The following LRRC8C variants were observed in gnomAD, a reference collection of about 807,000 sequenced individuals.
LRRC8C encodes leucine rich repeat containing 8 VRAC subunit C.
Under a neutral mutation model 55.3 loss-of-function variants are expected in LRRC8C, and 20 were observed. The ratio of observed to expected loss-of-function variants is 0.36; its 90% confidence interval spans 0.25 to 0.53. The LOEUF is 0.53. LRRC8C is among the 20% of genes least tolerant of loss of function. LRRC8C has a pLI of 0.92. For synonymous variants in LRRC8C, 376 were observed against 360.7 expected, an observed-to-expected ratio of 1.04 and a Z score of -0.48; for missense variants, 659 against 951.4, an observed-to-expected ratio of 0.69 and a Z score of 4.04.
intron 1 of LRRC8C, among the ~76,000 whole-genome samples, chr1:89,650,237 A>G (rs900659828): frequency 2.0e-5 from 3 of 152,230 alleles, no homozygotes; most frequent in Non-Finnish European, 4.4e-5. Flanking sequence ...ATAATTTTCA[A>G]AAAGTTAAAC....
chr1:89,636,083 G>A (rs1656273658), intron 1 of LRRC8C, among the ~76,000 whole-genome samples: 1 of 152,186 alleles, frequency 6.6e-6, no homozygotes, highest in Non-Finnish European at 1.5e-5. Context: ...CGTGCAGTAG[G>A]AGTGCAAATG....
At chr1:89,707,172 C>T (rs558887470) in intron 2 of LRRC8C, among the ~76,000 whole-genome samples, 9 of 16,304 alleles carry the variant, frequency 5.5e-4, no homozygotes, top group Admixed American at 4.2e-3. Context: ...TTTGGGAGGC[C>T]GAGGCGGGTG....
chr1:89,680,466 G>GT (rs200444324), intron 1 of LRRC8C, among the ~76,000 whole-genome samples: 1,522 of 137,392 alleles, frequency 0.011, 9 homozygotes, highest in African/African-American at 0.019. Flanking sequence ...TTTTGTAATA[G>GT]TTTTTTTTTT....
chr1:89,684,367 A>G (rs1462594626), intron 1 of LRRC8C, among the ~76,000 whole-genome samples: 1 of 152,240 alleles, frequency 6.6e-6, no homozygotes, highest in East Asian at 1.9e-4. Flanking sequence ...TTGTTTGCTA[A>G]TTATCCCTGC....
At chr1:89,630,129 A>C (rs1656068712), upstream of LRRC8C, among the ~76,000 whole-genome samples, 1 of 152,226 alleles carries the variant, frequency 6.6e-6, no homozygotes. Context: ...GAGATCACAC[A>C]GCATGAGACT....
intron 2 of LRRC8C, among the ~76,000 whole-genome samples, chr1:89,688,387 A>G (rs1485209639): frequency 1.3e-5 from 2 of 152,218 alleles, no homozygotes; most frequent in Non-Finnish European, 2.9e-5. Context: ...AAAATAAGCA[A>G]AATAAGCAAA....
Position 89,659,061 on chromosome 1 carries a change from T to TTTG in LRRC8C, c.-5+25740_-5+25741insTGT, listed in dbSNP as rs1294718324. ...TGTCTTCTCCAGGTTTTTTTTTTTT[T>TTTG]TGTGTGTGTGTGTGTGTGTGTGTGT... On this transcript the variant is annotated intron_variant, in intron 1 of 2. Transcript: ENST00000370454. Among the ~76,000 whole-genome samples the TTTG allele has an allele frequency of 9.6e-4, 52 of 53,964 alleles. 1 individual carries two copies. The highest frequency in any genetic ancestry group is 3.0e-3 in the African/African-American group (47 of 15,920). 35.4% of individuals were successfully genotyped at this position (53,964 alleles called of 152,430 possible). A position where few individuals can be genotyped will look rare whatever the true frequency, so the allele number is the denominator to read the frequency against.
intron 1 of LRRC8C, among the ~76,000 whole-genome samples, chr1:89,644,012 T>C (rs1379531486): frequency 6.6e-6 from 1 of 152,240 alleles, no homozygotes; most frequent in African/African-American, 2.4e-5. Context: ...AATAACCTAC[T>C]AAATTAAGGG....
In LRRC8C at chr1:89,685,488, A is replaced by G. The variant is rs1227637130; in HGVS notation, c.-4-982A>G. ...TTTTTGGCCCTCCTTGGCCACCCTT[A>G]TTCCTTGCCATAAGATAAAGAAAGG... On this transcript the variant is annotated intron_variant, in intron 1 of 2. Coordinates refer to ENST00000370454, the MANE Select transcript of LRRC8C (RefSeq NM_032270.5). Among the ~76,000 whole-genome samples, 4 of 152,272 alleles carry G rather than the reference A, an allele frequency of 2.6e-5. No individual in the cohort carries two copies. In the South Asian group the frequency reaches 8.3e-4, roughly 32 times the overall value.
At chr1:89,686,052 C>CA (rs74261777) in intron 1 of LRRC8C, among the ~76,000 whole-genome samples, 8,931 of 72,918 alleles carry the variant, frequency 0.12, 611 homozygotes, top group African/African-American at 0.31. Context: ...TGGTTTAAAG[C>CA]AAAAAAAAAA....
In LRRC8C at chr1:89,647,662, C is replaced by T. The variant is rs562676296; in HGVS notation, c.-5+14340C>T. Among the ~76,000 whole-genome samples, 23 of 152,180 alleles carry T rather than the reference C, an allele frequency of 1.5e-4. No individual in the cohort carries two copies. In the South Asian group the frequency reaches 4.6e-3, roughly 30 times the overall value. On this transcript the variant is annotated intron_variant, in intron 1 of 2. Coordinates refer to ENST00000370454, the MANE Select transcript of LRRC8C (RefSeq NM_032270.5). ...GATTTATTTCTAGAAAAGGCCATCT[C>T]GAAAATAATTTTTCATTTTGAGTTA...
chr1:89,676,613 C>T (rs944086498), intron 1 of LRRC8C, among the ~76,000 whole-genome samples: 2 of 152,076 alleles, frequency 1.3e-5, no homozygotes, highest in East Asian at 1.9e-4. Flanking sequence ...ATGGATAAGT[C>T]GATTTTAGTG....
At chr1:89,703,547 TA>T (rs75382206) in intron 2 of LRRC8C, among the ~76,000 whole-genome samples, 27,796 of 126,510 alleles carry the variant, frequency 0.22, 2,703 homozygotes, top group Middle Eastern at 0.33. Flanking sequence ...GTACAGATTG[TA>T]AAAAAAAAAA....
chr1:89,620,409 T>C, the LRRC8C span, among the ~76,000 whole-genome samples: 1 of 152,016 alleles, frequency 6.6e-6, no homozygotes, highest in Non-Finnish European at 1.5e-5. Flanking sequence ...TAAAGACTGA[T>C]GGAATTTGGA....
intron 1 of LRRC8C, among the ~76,000 whole-genome samples, chr1:89,664,419 T>G (rs893607202): frequency 1.3e-5 from 2 of 152,234 alleles, no homozygotes; most frequent in African/African-American, 4.8e-5. Flanking sequence ...CATTTCTTAT[T>G]TTTGTCAGGT....
At chr1:89,688,911 A>G (rs116813167) in intron 2 of LRRC8C, among the ~76,000 whole-genome samples, 88 of 152,290 alleles carry the variant, frequency 5.8e-4, no homozygotes, top group African/African-American at 1.9e-3. Context: ...AGATTGATCT[A>G]TTGAGTTACT....
At chr1:89,678,797 G>A (rs1363144385) in intron 1 of LRRC8C, among the ~76,000 whole-genome samples, 1 of 151,900 alleles carries the variant, frequency 6.6e-6, no homozygotes, top group African/African-American at 2.4e-5. Flanking sequence ...ATGACTCCAA[G>A]ATTTGTGGCC....
At chr1:89,618,605 A>T in the LRRC8C span, among the ~76,000 whole-genome samples, 1 of 152,238 alleles carries the variant, frequency 6.6e-6, no homozygotes, top group Non-Finnish European at 1.5e-5. Context: ...AAACTAGAGG[A>T]GAGACGTGGA....
the LRRC8C span, among the ~76,000 whole-genome samples, chr1:89,627,302 TATA>T: frequency 6.6e-6 from 1 of 151,562 alleles, no homozygotes; most frequent in Non-Finnish European, 1.5e-5. Context: ...TATATCATAA[TATA>T]ATAATATTTC....
Sources: allele counts gnomAD v4.1 joint callset (sites outside exome capture counted in the v4.1 genomes callset), GRCh38; gene constraint gnomAD v4.1.1; transcripts MANE v1.5; gene names NCBI Gene and HGNC (gene_info 2026-07-23, HGNC 2026-07-21).